Variants in RBL1 observed in about 807,000 individuals in gnomAD.
The protein encoded by RBL1 is retinoblastoma-like protein 1.
In RBL1, 82 loss-of-function variants were observed where a neutral mutation model predicts 123.0. That is an observed-to-expected ratio of 0.67 (90% CI 0.56 to 0.80). RBL1 has a LOEUF of 0.80. Among genes scored for constraint, RBL1 ranks in the 30% least tolerant of loss-of-function variants. RBL1 has a pLI of 0.00. For synonymous variants in RBL1, 405 were observed against 441.3 expected (o/e 0.92, Z 1.03); for missense variants, 1,171 against 1,299.6 (o/e 0.90, Z 1.52).
chr20:37,014,798 G>A (rs2064223196), intron 19 of RBL1, among the ~76,000 whole-genome samples: 1 of 144,620 alleles, frequency 6.9e-6, no homozygotes, highest in East Asian at 2.1e-4. Context: ...TGCAGTGGCT[G>A]ACGCCTGTAA....
At chr20:37,085,415 T>C (rs748447443) in intron 2 of RBL1, among the ~76,000 whole-genome samples, 1 of 151,668 alleles carries the variant, frequency 6.6e-6, no homozygotes, top group Non-Finnish European at 1.5e-5. Flanking sequence ...GGATTACAGG[T>C]GTGAGCCACT....
At chr20:37,070,067 T>G (rs1411781368) in intron 2 of RBL1, among the ~76,000 whole-genome samples, 2 of 152,248 alleles carry the variant, frequency 1.3e-5, no homozygotes, top group East Asian at 3.8e-4. Flanking sequence ...ATCGAATGGT[T>G]GCCGTGTCTG....
At position 37,066,877 on chromosome 20, in the gene RBL1, T is replaced by C; in HGVS notation, c.693A>G (p.Pro231=). The C allele has an allele frequency of 1.9e-6, 3 of 1,613,470 alleles. No homozygotes were observed. The highest frequency in any genetic ancestry group is 8.5e-7 in the Non-Finnish European group (1 of 1,179,798). ...TAAAGTCAGCAGTATGAAAATCAGA[T>C]GGTAAACCTAGTTTGACAGTGTAGG... ...DLLNPSFKGL[P]SDFHTADFTA... Residue 231 remains proline, a synonymous_variant, in exon 6 of 22, where the codon CCA becomes CCG. Transcript: ENST00000373664.
At chr20:37,035,093 G>T in intron 15 of RBL1, 149 bp downstream of exon 15, 1 of 759,890 alleles carries the variant, frequency 1.3e-6, no homozygotes, top group Non-Finnish European at 2.0e-6. Flanking sequence ...ATCTACAACT[G>T]CTCTAAAAAA....
intron 16 of RBL1, among the ~76,000 whole-genome samples, chr20:37,028,532 AAAT>A (rs2064459335): frequency 6.6e-6 from 1 of 152,084 alleles, no homozygotes; most frequent in African/African-American, 2.4e-5. Flanking sequence ...TTGTCTCTAA[AAAT>A]AATAATAATA....
At chr20:37,006,051 C>CTT (rs2064067131) in intron 20 of RBL1, among the ~76,000 whole-genome samples, 1 of 151,150 alleles carries the variant, frequency 6.6e-6, no homozygotes, top group East Asian at 1.9e-4. Context: ...GTGTACCAGC[C>CTT]ACTACACGGC....
chr20:37,040,038 C>T (rs2064694357), intron 14 of RBL1, 115 bp downstream of exon 14: 5 of 1,456,598 alleles, frequency 3.4e-6, no homozygotes, highest in Middle Eastern at 2.4e-4. Flanking sequence ...CTTTTCGAAC[C>T]CTGCTGAATA....
intron 21 of RBL1, among the ~76,000 whole-genome samples, chr20:37,000,855 G>A (rs1198997004): frequency 1.4e-5 from 2 of 138,096 alleles, no homozygotes; most frequent in Admixed American, 1.4e-4. Context: ...GGGACGTGAG[G>A]AGCCCCTCTG....
At chr20:37,020,855 C>G (rs1170426282) in intron 17 of RBL1, 125 bp from the exon 18 acceptor site, 2 of 609,240 alleles carry the variant, frequency 3.3e-6, no homozygotes, top group Non-Finnish European at 2.8e-6. Context: ...CAGGCCAGTC[C>G]ATGACTAAAA....
At chr20:37,091,478 G>A (rs1013930073) in intron 1 of RBL1, among the ~76,000 whole-genome samples, 1 of 151,914 alleles carries the variant, frequency 6.6e-6, no homozygotes, top group Non-Finnish European at 1.5e-5. Flanking sequence ...GATCAGCCTA[G>A]GAAACATAGT....
chr20:37,066,684 A>T, intron 6 of RBL1, 40 bp downstream of exon 6: 1 of 1,555,304 alleles, frequency 6.4e-7, no homozygotes, highest in South Asian at 1.2e-5. Flanking sequence ...ATTACTGGTG[A>T]TCTGTAAACA....
intron 7 of RBL1, 55 bp from the exon 8 acceptor site, chr20:37,062,325 T>C (rs2146295707): frequency 5.1e-6 from 8 of 1,568,700 alleles, no homozygotes; most frequent in Middle Eastern, 1.7e-4. Flanking sequence ...GGATTTATTT[T>C]GACTTGAAGA....
At position 37,040,140 on chromosome 20, in the gene RBL1, A is replaced by G. The variant is rs145029300; in HGVS notation, c.1903+13T>C. On this transcript the variant is annotated intron_variant, in intron 14 of 21. Transcript: ENST00000373664. ...TTGTTACTTTTTCATTCCTTTACCAATGTTGAACCTACCTCTTCGAAGACT... is the reference window on the plus strand; with the variant it reads ...TTGTTACTTTTTCATTCCTTTACCAGTGTTGAACCTACCTCTTCGAAGACT... 4.9e-4 allele frequency: 787 copies of G among 1,612,234 alleles called. 3 individuals are homozygous for G. The African/African-American group carries it at 9.2e-3, about 19-fold the overall frequency.
chr20:37,025,467 C>A (rs533968189), intron 16 of RBL1, among the ~76,000 whole-genome samples: 1 of 152,124 alleles, frequency 6.6e-6, no homozygotes, highest in Middle Eastern at 3.4e-3. Context: ...CTGCAGTGAG[C>A]CATGATCTTG....
chr20:37,066,850 C>G lies in RBL1; in HGVS notation c.720G>C (p.Thr240=), dbSNP rs757809633. The change falls in exon 6 of 22, where the codon ACG becomes ACC. Residue 240 remains threonine, a synonymous_variant. Transcript: ENST00000373664. ...TGATGCAGGGTGGCTCTTCAGAAGCCGTAAAGTCAGCAGTATGAAAATCAG... is the reference window on the plus strand; with the variant it reads ...TGATGCAGGGTGGCTCTTCAGAAGCGGTAAAGTCAGCAGTATGAAAATCAG... ...LPSDFHTADF[T]ASEEPPCIIA... 1 of 1,613,458 alleles carries G rather than the reference C, an allele frequency of 6.2e-7. No individual in the cohort carries two copies. The highest frequency in any genetic ancestry group is 8.5e-7 in the Non-Finnish European group (1 of 1,179,888).
At chr20:37,091,414 AC>A (rs1160358273) in intron 1 of RBL1, among the ~76,000 whole-genome samples, 3 of 151,838 alleles carry the variant, frequency 2.0e-5, no homozygotes, top group Non-Finnish European at 4.4e-5. Flanking sequence ...CATGCTCGTA[AC>A]CCCAGCACTT....
intron 21 of RBL1, among the ~76,000 whole-genome samples, chr20:37,000,643 G>T (rs1479979475): frequency 4.7e-5 from 6 of 128,672 alleles, no homozygotes; most frequent in Admixed American, 2.2e-4. Flanking sequence ...GGAGGTGAGG[G>T]GCGCCTCTGC....
intron 19 of RBL1, among the ~76,000 whole-genome samples, chr20:37,010,220 G>A (rs1006874398): frequency 1.3e-5 from 2 of 151,924 alleles, no homozygotes; most frequent in Non-Finnish European, 2.9e-5. Flanking sequence ...GATTACAGGT[G>A]TGAGCCACCA....
chr20:37,088,063 GAGACC>G (rs1361573650), intron 2 of RBL1, among the ~76,000 whole-genome samples: 33 of 152,204 alleles, frequency 2.2e-4, no homozygotes, highest in Middle Eastern at 3.4e-3. Flanking sequence ...TCGGGAGTTC[GAGACC>G]AGCCTGACCA....
Sources: allele counts gnomAD v4.1 joint callset (sites outside exome capture counted in the v4.1 genomes callset), GRCh38; gene constraint gnomAD v4.1.1; transcripts MANE v1.5; gene names NCBI Gene and HGNC (gene_info 2026-07-23, HGNC 2026-07-21).